CNOT7: variants seen among roughly 807,000 people sequenced by gnomAD.
CNOT7 encodes the protein BTG1-binding factor 1.
In CNOT7, 4 loss-of-function variants were observed where a neutral mutation model predicts 37.1. That is an observed-to-expected ratio of 0.11 (90% CI 0.05 to 0.25). The LOEUF is 0.25. Among genes scored for constraint, CNOT7 ranks in the 10% least tolerant of loss-of-function variants. The pLI is 1.00. For missense variants in CNOT7, 170 were observed against 336.2 expected (o/e 0.51, Z 3.87); for synonymous variants, 128 against 115.6 (o/e 1.11, Z -0.69).
rs185972924 is a variant in CNOT7, at chr8:17,226,519, T to C, written c.*4201A>G. On this transcript the variant is annotated 3_prime_UTR_variant, in exon 7 of 7. Transcript: ENST00000361272. Reference sequence around the variant, plus strand: ...TATTTGCCCTTTAGCATGTCATTCATTCAAGATGATTCATTTCCAACAGAA... The same window carrying C: ...TATTTGCCCTTTAGCATGTCATTCACTCAAGATGATTCATTTCCAACAGAA... 6.6e-6 allele frequency: 1 copy of C among 151,860 alleles called. No individual in the cohort carries two copies. The highest frequency in any genetic ancestry group is 2.4e-5 in the African/African-American group (1 of 41,530). The allele number at this position is 151,860 out of a possible 1,614,324, so 9.4% of individuals were successfully genotyped here. A position where few individuals can be genotyped will look rare whatever the true frequency, so the allele number is the denominator to read the frequency against.
rs985245123 is a variant in CNOT7, at chr8:17,230,340, TGGAA to T, written c.*376_*379del. On this transcript the variant is annotated 3_prime_UTR_variant, in exon 7 of 7. Coordinates refer to ENST00000361272, the MANE Select transcript of CNOT7 (RefSeq NM_013354.7). ...TCAAATAGCTAAAACTCCTGCAGAA[TGGAA>T]GGGAGAGACGTGAAACAGGGAAATA... The T allele has an allele frequency of 1.3e-5, 2 of 153,936 alleles. No homozygotes were observed. Among genetic ancestry groups the T allele is most frequent in the African/African-American group, 4.8e-5 (2 of 41,462 alleles). The allele number at this position is 153,936 out of a possible 1,614,324, so 9.5% of individuals were successfully genotyped here.
chr8:17,244,947 A>G, intron 2 of CNOT7, 89 bp downstream of exon 2: 2 of 1,100,510 alleles, frequency 1.8e-6, no homozygotes, highest in East Asian at 2.5e-5. Context: ...ATCCCTAAAA[A>G]TATCAACCAA....
intron 3 of CNOT7, among the ~76,000 whole-genome samples, chr8:17,239,636 T>C (rs1228395538): frequency 7.9e-5 from 12 of 152,116 alleles, no homozygotes; most frequent in East Asian, 5.8e-4. Flanking sequence ...GGACTACAGG[T>C]GCTCACCACC....
rs1438587267 is a variant in CNOT7, at chr8:17,228,406, A to T, written c.*2314T>A. 1 of 151,984 alleles carries T rather than the reference A, an allele frequency of 6.6e-6. No individual in the cohort carries two copies. Among genetic ancestry groups the T allele is most frequent in the Non-Finnish European group, 1.5e-5 (1 of 67,862 alleles). The allele number at this position is 151,984 out of a possible 1,614,324, so 9.4% of individuals were successfully genotyped here. On this transcript the variant is annotated 3_prime_UTR_variant, in exon 7 of 7. Coordinates refer to ENST00000361272, the MANE Select transcript of CNOT7 (RefSeq NM_013354.7). ...AGTAAAAGTCAAAATGTTCCTCTACAAAAGTTACACTATACGGTTGCTCAA... is the reference window on the plus strand; with the variant it reads ...AGTAAAAGTCAAAATGTTCCTCTACTAAAGTTACACTATACGGTTGCTCAA...
chr8:17,238,718 T>C (rs1308449587), intron 3 of CNOT7, among the ~76,000 whole-genome samples: 1 of 152,248 alleles, frequency 6.6e-6, no homozygotes, highest in Non-Finnish European at 1.5e-5. Context: ...ACAAGTAGTT[T>C]AGACCTTTTT....
chr8:17,237,568 G>A (rs191863947), intron 3 of CNOT7, 195 bp from the exon 4 acceptor site: 27 of 536,744 alleles, frequency 5.0e-5, no homozygotes, highest in Middle Eastern at 3.3e-4. Flanking sequence ...AAAGTGTTTC[G>A]AATAAAAAAT....
intron 6 of CNOT7, chr8:17,231,842 A>ATGGTTTC: frequency 2.0e-6 from 2 of 985,784 alleles, no homozygotes; most frequent in Non-Finnish European, 2.4e-6. Context: ...TTTTCCTAAT[A>ATGGTTTC]TGGTTTCTGA....
At chr8:17,231,407 C>T (rs964584990) in intron 6 of CNOT7, 2 of 483,628 alleles carry the variant, frequency 4.1e-6, no homozygotes, top group African/African-American at 4.2e-5. Flanking sequence ...CTAAAAAATC[C>T]AAAAGGTTGT....
At chr8:17,243,281 T>C in intron 2 of CNOT7, 96 bp from the exon 3 acceptor site, 1 of 908,618 alleles carries the variant, frequency 1.1e-6, no homozygotes. Context: ...ATCCTACAGA[T>C]GATATTCTAC....
In CNOT7 at chr8:17,229,343, TATC is replaced by T. The variant is rs1207524242; in HGVS notation, c.*1374_*1376del. ...GGACCACCCAGTTACAGCACTGTAA[TATC>T]ATGAATAAAGAATGTACAAGGGAGA... is the stretch of plus-strand genomic sequence containing the variant. On this transcript the variant is annotated 3_prime_UTR_variant, in exon 7 of 7. Coordinates refer to ENST00000361272, the MANE Select transcript of CNOT7 (RefSeq NM_013354.7). The T allele has an allele frequency of 3.9e-5, 6 of 152,408 alleles. No homozygotes were observed. In the East Asian group the frequency reaches 1.2e-3, roughly 29 times the overall value. The allele number at this position is 152,408 out of a possible 1,614,324, so 9.4% of individuals were successfully genotyped here.
chr8:17,239,114 T>C (rs1809791351), intron 3 of CNOT7, among the ~76,000 whole-genome samples: 4 of 152,216 alleles, frequency 2.6e-5, no homozygotes, highest in African/African-American at 7.2e-5. Context: ...AAGCAGTGGC[T>C]TGAACACGGC....
chr8:17,244,588 A>G (rs73200917), intron 2 of CNOT7: 5,459 of 153,384 alleles, frequency 0.036, 157 homozygotes, highest in Non-Finnish European at 0.051. Flanking sequence ...AAAATGACCA[A>G]GTATCTCCAT....
intron 3 of CNOT7, among the ~76,000 whole-genome samples, chr8:17,240,137 C>G (rs1809956590): frequency 6.6e-6 from 1 of 152,218 alleles, no homozygotes; most frequent in Non-Finnish European, 1.5e-5. Flanking sequence ...CCAAGATTCT[C>G]TTCACGGTGC....
rs1808316931 is a variant in CNOT7 at position 17,228,652 on chromosome 8, A to C, written c.*2068T>G. ...CAATACACCCACTGTAAAGTTGAAA[A>C]ATCATTAAGTCGAAAGTAAGTTAGG... On this transcript the variant is annotated 3_prime_UTR_variant, in exon 7 of 7. Transcript: ENST00000361272. The C allele has an allele frequency of 6.6e-6, 1 of 151,942 alleles. No individual in the cohort carries two copies. The highest frequency in any genetic ancestry group is 1.5e-5 in the Non-Finnish European group (1 of 67,858). The allele number at this position is 151,942 out of a possible 1,614,324, so 9.4% of individuals were successfully genotyped here. A position where few individuals can be genotyped will look rare whatever the true frequency, so the allele number is the denominator to read the frequency against.
chr8:17,243,653 C>G (rs771773464), intron 2 of CNOT7: 3 of 456,380 alleles, frequency 6.6e-6, no homozygotes. Flanking sequence ...TTCCTAATTT[C>G]TCTGGCTTAA....
chr8:17,233,438 A>T (rs1236650665), intron 5 of CNOT7, among the ~76,000 whole-genome samples: 2 of 152,226 alleles, frequency 1.3e-5, no homozygotes, highest in Non-Finnish European at 1.5e-5. Context: ...GGCTGACTAT[A>T]GGTCAAAAAG....
rs1296710822 is a variant in CNOT7 at position 17,237,602 on chromosome 8, AT to A, written c.312-230del. The A allele has an allele frequency of 1.3e-5, 6 of 452,178 alleles. No individual in the cohort carries two copies. In the East Asian group the frequency reaches 2.0e-4, roughly 15 times the overall value. 28.0% of individuals were successfully genotyped at this position (452,178 alleles called of 1,614,324 possible). On this transcript the variant is annotated intron_variant, in intron 3 of 6. Coordinates refer to ENST00000361272, the MANE Select transcript of CNOT7 (RefSeq NM_013354.7). ...ATCATTCAGAGAGTCCAAAGGTGCA[AT>A]TTTAATCTTTTTTCTATTAACTCTA...
intron 3 of CNOT7, chr8:17,241,771 G>A (rs934143670): frequency 4.6e-5 from 7 of 152,110 alleles, no homozygotes; most frequent in African/African-American, 1.2e-4. Context: ...CAGGCTAATT[G>A]ATAAAAACAA....
At chr8:17,239,122 G>A (rs1156347811) in intron 3 of CNOT7, among the ~76,000 whole-genome samples, 6 of 152,248 alleles carry the variant, frequency 3.9e-5, no homozygotes, top group African/African-American at 4.8e-5. Context: ...GCTTGAACAC[G>A]GCTCACTGTA....
Sources: allele counts gnomAD v4.1 joint callset (sites outside exome capture counted in the v4.1 genomes callset), GRCh38; gene constraint gnomAD v4.1.1; transcripts MANE v1.5; gene names NCBI Gene and HGNC (gene_info 2026-07-23, HGNC 2026-07-21).